Variants in RPS20 observed in about 807,000 individuals in gnomAD.
RPS20 encodes the protein ribosomal protein S20.
RPS20 carries 3 observed loss-of-function variants against 15.3 expected under a neutral mutation model. The observed-to-expected ratio is 0.20, with a 90% confidence interval of 0.09 to 0.51. RPS20 has a LOEUF of 0.51. Among genes scored for constraint, RPS20 ranks in the 20% least tolerant of loss-of-function variants. The pLI is 0.96. For synonymous variants in RPS20, 62 were observed against 47.8 expected (o/e 1.30, Z -1.23); for missense variants, 67 against 145.9 (o/e 0.46, Z 2.79).
At chr8:56,073,843 C>T (rs1401451791) in intron 2 of RPS20, 75 bp from the exon 3 acceptor site, 2 of 1,344,610 alleles carry the variant, frequency 1.5e-6, no homozygotes, top group Non-Finnish European at 1.1e-6. Flanking sequence ...TCTGCTGGCT[C>T]AGAATAGCGT....
intron 2 of RPS20, 84 bp downstream of exon 2, chr8:56,073,976 C>T (rs548079904): frequency 8.1e-7 from 1 of 1,229,822 alleles, no homozygotes; most frequent in Non-Finnish European, 1.2e-6. Context: ...TTCTTGCAGT[C>T]CACCTTCTAC....
downstream of RPS20, chr8:56,069,944 C>G (rs1412068325): frequency 1.6e-5 from 11 of 696,112 alleles, no homozygotes; most frequent in Non-Finnish European, 2.9e-5. Context: ...ATACCATTTA[C>G]ATTGTATTAG....
chr8:56,067,778 CAA>C (rs995722008), exon 6 of RPS20: 4 of 150,924 alleles, frequency 2.7e-5, no homozygotes, highest in Admixed American at 2.6e-4. Context: ...CACAAAAAGA[CAA>C]ATATTATATG....
intron 1 of RPS20, 101 bp downstream of exon 1, chr8:56,074,280 A>C (rs747132835): frequency 6.5e-7 from 1 of 1,536,614 alleles, no homozygotes; most frequent in Non-Finnish European, 8.8e-7. Flanking sequence ...TTCCGCCCCT[A>C]CACGCCCCGG....
In RPS20 at chr8:56,073,194, T is replaced by G; in HGVS notation, c.256A>C (p.Lys86Gln). Residue 86 changes from lysine (K) to glutamine (Q), a missense_variant, in exon 4 of 4, where the codon AAG becomes CAG. Transcript: ENST00000009589. The part of the protein sequence containing the change: ...TWDRFQMRIH[K>Q]RLIDLHSPSE... ...GGACTGTGCAAGTCAATGAGTCGCT[T>G]GTGAATTCTCATCTGGAAACGATCC... is the stretch of plus-strand genomic sequence containing the variant. 1 of 1,602,136 alleles carries G rather than the reference T, an allele frequency of 6.2e-7. No homozygotes were observed.
At chr8:56,070,933 G>C (rs182627095), downstream of RPS20, among the ~76,000 whole-genome samples, 4 of 152,124 alleles carry the variant, frequency 2.6e-5, no homozygotes, top group Non-Finnish European at 5.9e-5. Context: ...AACTTGCATA[G>C]AATTATTGGC....
At chr8:56,072,719 T>C (rs953639806), downstream of RPS20, 18 of 221,478 alleles carry the variant, frequency 8.1e-5, no homozygotes, top group Admixed American at 3.3e-4. Context: ...AATTTAAAAA[T>C]ATTAGTTACT....
chr8:56,073,817 G>A (rs764281731), intron 2 of RPS20, 49 bp from the exon 3 acceptor site: 2 of 1,536,750 alleles, frequency 1.3e-6, no homozygotes, highest in East Asian at 2.2e-5. Context: ...ATTAAAATCG[G>A]CTTAAGGCCT....
downstream of RPS20, chr8:56,073,050 G>C: frequency 6.3e-7 from 1 of 1,580,768 alleles, no homozygotes; most frequent in Non-Finnish European, 8.5e-7. Flanking sequence ...AAAACCAACA[G>C]AAGTTAACAA....
At chr8:56,068,965 A>G (rs1809682504), downstream of RPS20, among the ~76,000 whole-genome samples, 1 of 151,156 alleles carries the variant, frequency 6.6e-6, no homozygotes, top group Non-Finnish European at 1.5e-5. Flanking sequence ...CGCCCAGCTA[A>G]TTTTGCATTT....
chr8:56,073,142 G>T lies in RPS20; in HGVS notation c.308C>A (p.Ser103Tyr). 6.3e-7 allele frequency: 1 copy of T among 1,597,952 alleles called. No individual in the cohort carries two copies. Among genetic ancestry groups the T allele is most frequent in the Non-Finnish European group, 8.5e-7 (1 of 1,179,310 alleles). ...SPSEIVKQIT[S>Y]ISIEPGVEVE... is the part of the protein sequence containing the mutation. Reference sequence around the variant, plus strand: ...CTCAACTCCTGGCTCAATACTGATGGAAGTAATCTGCTTAACAATCTCAGA... The same window carrying T: ...CTCAACTCCTGGCTCAATACTGATGTAAGTAATCTGCTTAACAATCTCAGA... Residue 103 changes from serine (S) to tyrosine (Y), a missense_variant, in exon 4 of 4, where the codon TCC becomes TAC. By Grantham distance (144) the Ser-to-Tyr change is moderately radical (BLOSUM62 -2). Transcript: ENST00000009589.
At chr8:56,070,259 T>C (rs1809713725), downstream of RPS20, among the ~76,000 whole-genome samples, 1 of 152,312 alleles carries the variant, frequency 6.6e-6, no homozygotes, top group South Asian at 2.1e-4. Flanking sequence ...ATACTATTAG[T>C]ATCCTCATTT....
At chr8:56,072,560 A>ACCC (rs2129212939), downstream of RPS20, among the ~76,000 whole-genome samples, 2 of 142,844 alleles carry the variant, frequency 1.4e-5, no homozygotes, top group African/African-American at 5.4e-5. Flanking sequence ...CCCCCCCCCA[A>ACCC]AAAAAAAAAG....
downstream of RPS20, among the ~76,000 whole-genome samples, chr8:56,070,437 T>C (rs1809720592): frequency 2.0e-5 from 3 of 152,174 alleles, no homozygotes; most frequent in Admixed American, 2.0e-4. Flanking sequence ...GGATGTCATG[T>C]GAAGAAATCT....
chr8:56,074,331 C>A (rs752477014), intron 1 of RPS20, 50 bp downstream of exon 1: 1 of 1,547,588 alleles, frequency 6.5e-7, no homozygotes, highest in South Asian at 1.2e-5. Context: ...CGGGGTCCCC[C>A]CGGCGCCCGA....
downstream of RPS20, among the ~76,000 whole-genome samples, chr8:56,072,388 C>T (rs574946076): frequency 3.4e-4 from 51 of 151,944 alleles, no homozygotes; most frequent in Admixed American, 2.2e-3. Flanking sequence ...CCCATCTCTA[C>T]TATAAAATAA....
chr8:56,072,931 G>A (rs576002029), downstream of RPS20: 66 of 1,372,498 alleles, frequency 4.8e-5, no homozygotes, highest in African/African-American at 2.3e-4. Flanking sequence ...TGACTCAAAC[G>A]ACAACGAAAA....
chr8:56,069,750 T>A (rs762321641), downstream of RPS20: 47 of 1,551,526 alleles, frequency 3.0e-5, no homozygotes, highest in Non-Finnish European at 3.9e-5. Flanking sequence ...AAAAAGGACA[T>A]GTCCCCGGGG....
rs778111413 is a variant in RPS20, at chr8:56,074,175, T to TG, written c.4-17dup. ...CCTTAAAAGCCTATTATTAGATACATGAAAAAGAACAATAAGCCAAAAATG... is the reference window on the plus strand; with the variant it reads ...CCTTAAAAGCCTATTATTAGATACATGGAAAAAGAACAATAAGCCAAAAATG... On this transcript the variant is annotated splice_polypyrimidine_tract_variant and intron_variant, in intron 1 of 3. Transcript: ENST00000009589. The TG allele has an allele frequency of 6.2e-6, 10 of 1,602,820 alleles. No homozygotes were observed. The highest frequency in any genetic ancestry group is 7.7e-6 in the Non-Finnish European group (9 of 1,174,630).
Sources: allele counts gnomAD v4.1 joint callset (sites outside exome capture counted in the v4.1 genomes callset), GRCh38; gene constraint gnomAD v4.1.1; transcripts MANE v1.5; gene names NCBI Gene and HGNC (gene_info 2026-07-23, HGNC 2026-07-21).